SMYD3: variants seen among roughly 807,000 people sequenced by gnomAD.
SMYD3 encodes the protein SET and MYND domain containing 3.
A neutral mutation model predicts 57.7 loss-of-function variants in SMYD3; 36 were observed. The observed-to-expected ratio is 0.62, with a 90% confidence interval of 0.48 to 0.82. The LOEUF is 0.82. SMYD3 is among the 40% of genes least tolerant of loss of function. The probability of loss-of-function intolerance (pLI) is 0.00; values close to 1 mark genes in which losing one functional copy is unlikely to be tolerated. For missense variants in SMYD3, 515 were observed against 538.8 expected, an observed-to-expected ratio of 0.96 and a Z score of 0.44; for synonymous variants, 211 against 195.0, an observed-to-expected ratio of 1.08 and a Z score of -0.68.
intron 1 of SMYD3, among the ~76,000 whole-genome samples, chr1:246,403,742 T>C (rs9787220): frequency 0.33 from 49,548 of 152,136 alleles, 8,447 homozygotes; most frequent in Non-Finnish European, 0.36. Flanking sequence ...ACTAATGCTA[T>C]GTGCAATAAC....
chr1:245,946,710 A>AC (rs762899530), intron 5 of SMYD3, among the ~76,000 whole-genome samples: 59 of 152,284 alleles, frequency 3.9e-4, no homozygotes, highest in Non-Finnish European at 6.9e-4. Context: ...TGTACACTAG[A>AC]CCCATCAGAA....
intron 10 of SMYD3, among the ~76,000 whole-genome samples, chr1:245,827,874 T>G (rs989795122): frequency 1.3e-5 from 2 of 152,228 alleles, no homozygotes; most frequent in African/African-American, 2.4e-5. Flanking sequence ...AACCCAGTCT[T>G]CTGTCTTCTA....
chr1:246,176,065 C>T (rs2062429241), intron 5 of SMYD3, among the ~76,000 whole-genome samples: 3 of 152,286 alleles, frequency 2.0e-5, no homozygotes, highest in South Asian at 4.2e-4. Context: ...TTACTCTAAG[C>T]TAATGTTACA....
intron 5 of SMYD3, among the ~76,000 whole-genome samples, chr1:246,037,502 T>C (rs532297933): frequency 1.3e-5 from 2 of 152,342 alleles, no homozygotes; most frequent in East Asian, 3.9e-4. Flanking sequence ...ATCTTTCCCA[T>C]TTCCATCCTG....
intron 5 of SMYD3, among the ~76,000 whole-genome samples, chr1:246,188,050 A>C (rs1004584191): frequency 1.3e-5 from 2 of 152,086 alleles, no homozygotes; most frequent in Non-Finnish European, 2.9e-5. Context: ...ATGTATAATA[A>C]ATATCGATTT....
intron 1 of SMYD3, among the ~76,000 whole-genome samples, chr1:246,465,618 G>C (rs2067871294): frequency 6.6e-6 from 1 of 152,154 alleles, no homozygotes; most frequent in Non-Finnish European, 1.5e-5. Flanking sequence ...AATTGCTTGT[G>C]CCCAGGAGTA....
intron 5 of SMYD3, among the ~76,000 whole-genome samples, chr1:246,008,588 C>T (rs2059220108): frequency 1.3e-5 from 2 of 152,156 alleles, no homozygotes; most frequent in South Asian, 2.1e-4. Context: ...GAGGCTCTGG[C>T]AGCAACAGCG....
intron 10 of SMYD3, among the ~76,000 whole-genome samples, chr1:245,816,452 C>A (rs2048806087): frequency 6.9e-6 from 1 of 145,740 alleles, no homozygotes. Context: ...ATCTAAGCAA[C>A]TGCAAAAGCC....
chr1:246,470,775 A>G (rs1272769139), intron 1 of SMYD3, among the ~76,000 whole-genome samples: 1 of 152,080 alleles, frequency 6.6e-6, no homozygotes, highest in Non-Finnish European at 1.5e-5. Context: ...AACAAAGGAC[A>G]TTATTGCAAC....
At chr1:245,781,940 G>A (rs1035352692) in intron 10 of SMYD3, among the ~76,000 whole-genome samples, 2 of 151,886 alleles carry the variant, frequency 1.3e-5, no homozygotes, top group African/African-American at 4.8e-5. Context: ...CTGCACTCTG[G>A]CCTGGATGAC....
intron 1 of SMYD3, among the ~76,000 whole-genome samples, chr1:246,444,402 G>A (rs1558468278): frequency 6.6e-6 from 1 of 152,112 alleles, no homozygotes; most frequent in Non-Finnish European, 1.5e-5. Flanking sequence ...GGGATTACAG[G>A]CATGAGCCAT....
intron 1 of SMYD3, among the ~76,000 whole-genome samples, chr1:246,365,030 T>C (rs1450938775): frequency 6.6e-6 from 1 of 152,150 alleles, no homozygotes; most frequent in African/African-American, 2.4e-5. Flanking sequence ...AAAGCATTAA[T>C]AGAGATAAAG....
intron 1 of SMYD3, among the ~76,000 whole-genome samples, chr1:246,402,401 A>T (rs2066787316): frequency 1.2e-5 from 1 of 83,846 alleles, no homozygotes; most frequent in African/African-American, 3.2e-5. Context: ...CCCATATCTG[A>T]GCACGTGATA....
chr1:246,427,412 C>T (rs372009237), intron 1 of SMYD3, among the ~76,000 whole-genome samples: 12,732 of 149,498 alleles, frequency 0.085, 661 homozygotes, highest in Middle Eastern at 0.2. Context: ...CCCAGCTACT[C>T]GGGAGGCTGA....
chr1:246,282,377 T>G (rs1484429804), intron 5 of SMYD3, among the ~76,000 whole-genome samples: 1 of 142,828 alleles, frequency 7.0e-6, no homozygotes, highest in African/African-American at 2.6e-5. Flanking sequence ...TGCCCACCTG[T>G]AGGCCCAGCT....
intron 5 of SMYD3, among the ~76,000 whole-genome samples, chr1:245,974,103 C>T (rs1318060464): frequency 2.0e-5 from 3 of 152,154 alleles, no homozygotes; most frequent in African/African-American, 7.2e-5. Context: ...TGTTCAGGCA[C>T]CCTCCTTTCC....
At chr1:246,174,523 T>C (rs535451728) in intron 5 of SMYD3, among the ~76,000 whole-genome samples, 24 of 152,314 alleles carry the variant, frequency 1.6e-4, no homozygotes, top group South Asian at 6.2e-4. Context: ...TAAAGCCCAC[T>C]GCAGCCTCTG....
chr1:245,947,272 G>A (rs566779792), intron 5 of SMYD3: 39 of 431,570 alleles, frequency 9.0e-5, no homozygotes, highest in Middle Eastern at 6.8e-4. Flanking sequence ...AGAGCAAGTA[G>A]CTAAAGGAAG....
intron 5 of SMYD3, among the ~76,000 whole-genome samples, chr1:245,983,176 C>G (rs548099541): frequency 3.0e-4 from 46 of 152,312 alleles, no homozygotes; most frequent in Admixed American, 7.8e-4. Flanking sequence ...TTTGTGGCAG[C>G]TTTCGGGACA....
Sources: allele counts gnomAD v4.1 joint callset (sites outside exome capture counted in the v4.1 genomes callset), GRCh38; gene constraint gnomAD v4.1.1; transcripts MANE v1.5; gene names NCBI Gene and HGNC (gene_info 2026-07-23, HGNC 2026-07-21).